Variants in PTPRJ observed in about 807,000 individuals in gnomAD.
PTPRJ encodes receptor-type tyrosine-protein phosphatase eta.
PTPRJ carries 129 observed loss-of-function variants against 141.3 expected under a neutral mutation model. The ratio of observed to expected loss-of-function variants is 0.91; its 90% CI spans 0.79 to 1.06. The LOEUF (loss-of-function observed/expected upper bound fraction) is 1.06, where lower values mean the gene tolerates loss of function less well. PTPRJ is among the 50% of genes least tolerant of loss of function. The pLI, the probability that PTPRJ is intolerant of heterozygous loss-of-function variation, is 0.00. For missense variants in PTPRJ, 1,601 were observed against 1,679.7 expected (o/e 0.95, Z 0.82); for synonymous variants, 610 against 640.5 (o/e 0.95, Z 0.72).
intron 23 of PTPRJ, among the ~76,000 whole-genome samples, chr11:48,164,117 T>C (rs1857853764): frequency 6.6e-6 from 1 of 152,174 alleles, no homozygotes; most frequent in African/African-American, 2.4e-5. Context: ...GCAACTTGAA[T>C]GGAACTGAGA....
At position 48,168,566 on chromosome 11, in the gene PTPRJ, A is replaced by G. The variant is rs1857978434; in HGVS notation, c.*1204A>G. 8.0e-6 allele frequency: 1 copy of G among 125,650 alleles called. No individual in the cohort carries two copies. Among genetic ancestry groups the G allele is most frequent in the African/African-American group, 3.0e-5 (1 of 33,500 alleles). 7.8% of individuals were successfully genotyped at this position (125,650 alleles called of 1,614,324 possible). Reference sequence around the variant, plus strand: ...TATATATATATATATATATATATATATATATATATATATATACACTAAGCT... The same window carrying G: ...TATATATATATATATATATATATATGTATATATATATATATACACTAAGCT... On this transcript the variant is annotated 3_prime_UTR_variant, in exon 25 of 25. Coordinates refer to ENST00000418331, the MANE Select transcript of PTPRJ (RefSeq NM_002843.4).
rs116046970 is a variant in PTPRJ, at chr11:47,984,229, G to A, written c.96+3221G>A. On this transcript the variant is annotated intron_variant, in intron 1 of 24. Coordinates refer to ENST00000418331, the MANE Select transcript of PTPRJ (RefSeq NM_002843.4). The stretch of plus-strand genomic sequence containing the variant: ...CCTGGCTTCCAAATGAGCAATTTTG[G>A]TCAGCAAAGGGGTTATTTAGCTCCT... 9.0e-3 allele frequency among the ~76,000 whole-genome samples: 1,364 copies of A among 152,244 alleles called. 23 individuals carry two copies. Among genetic ancestry groups the A allele is most frequent in the African/African-American group, 0.032 (1,316 of 41,518 alleles).
chr11:48,054,543 C>T (rs978221715), intron 1 of PTPRJ, among the ~76,000 whole-genome samples: 1 of 152,118 alleles, frequency 6.6e-6, no homozygotes, highest in African/African-American at 2.4e-5. Context: ...GACTTGCCCA[C>T]CTAGTTAGAA....
intron 1 of PTPRJ, among the ~76,000 whole-genome samples, chr11:48,060,238 C>T (rs536580060): frequency 2.0e-5 from 3 of 152,094 alleles, no homozygotes; most frequent in Non-Finnish European, 2.9e-5. Flanking sequence ...GGTAGATTGA[C>T]GAAATAATAT....
In PTPRJ at chr11:48,127,923, A is replaced by C. The variant is rs772351295; in HGVS notation, c.1237A>C (p.Asn413His). The part of the protein sequence containing the change: ...VAGETDSSNL[N>H]VSEPRAVIPG... ...GGGGGAGACAGATTCTTCCAATCTC[A>C]ACGTCAGTGAGCCTCGCGCTGTCAT... The change falls in exon 7 of 25, where the codon AAC becomes CAC. Residue 413 changes from asparagine to histidine, a missense_variant. Physicochemically the swap from Asn to His is moderately conservative, Grantham distance 68. Transcript: ENST00000418331. The C allele has an allele frequency of 7.6e-5, 122 of 1,614,020 alleles. No homozygotes were observed. The highest frequency in any genetic ancestry group is 1.0e-4 in the Non-Finnish European group (118 of 1,180,020).
Position 48,163,555 on chromosome 11 carries a change from G to A in PTPRJ, c.3656G>A (p.Arg1219Gln), listed in dbSNP as rs200141433. 3.7e-6 allele frequency: 6 copies of A among 1,613,800 alleles called. No homozygotes were observed. The highest frequency in any genetic ancestry group is 1.7e-5 in the Admixed American group (1 of 60,000). Residue 1219 changes from arginine (R) to glutamine (Q), a missense_variant, in exon 23 of 25, where the codon CGG becomes CAG. By Grantham distance (43) the Arg-to-Gln change is conservative. Coordinates refer to ENST00000418331, the MANE Select transcript of PTPRJ (RefSeq NM_002843.4). ...PDTTDLLINFRYLVRDYMKQS... is the reference protein window; with the variant it reads ...PDTTDLLINFQYLVRDYMKQS... ...ACCACTGACCTGCTCATCAACTTCC[G>A]GTACCTCGTTCGTGACTACATGAAG...
chr11:47,980,824 G>T lies in PTPRJ; in HGVS notation c.-89G>T. On this transcript the variant is annotated 5_prime_UTR_variant, in exon 1 of 25. Coordinates refer to ENST00000418331, the MANE Select transcript of PTPRJ (RefSeq NM_002843.4). The stretch of plus-strand genomic sequence containing the variant: ...TGGCGGAGGAGGAGGCGAAGGAGAC[G>T]GCAGGAGGCGGCGACGACGGTGCCC... The T allele has an allele frequency of 9.5e-7, 1 of 1,053,168 alleles. No individual in the cohort carries two copies. The highest frequency in any genetic ancestry group is 1.1e-6 in the Non-Finnish European group (1 of 876,254). The allele number at this position is 1,053,168 out of a possible 1,614,324, so 65.2% of individuals were successfully genotyped here.
intron 1 of PTPRJ, among the ~76,000 whole-genome samples, chr11:48,040,686 C>A (rs911052068): frequency 1.3e-5 from 2 of 150,142 alleles, no homozygotes; most frequent in African/African-American, 5.0e-5. Flanking sequence ...ACTGCAACCT[C>A]CGCCTCCTGG....
intron 9 of PTPRJ, 109 bp downstream of exon 9, chr11:48,136,405 A>C: frequency 1.5e-6 from 2 of 1,345,554 alleles, no homozygotes; most frequent in Non-Finnish European, 2.0e-6. Flanking sequence ...GTTGACTCTG[A>C]AACTGCTGAA....
At chr11:48,116,230 A>G (rs984835653) in intron 3 of PTPRJ, among the ~76,000 whole-genome samples, 2 of 152,202 alleles carry the variant, frequency 1.3e-5, no homozygotes, top group Non-Finnish European at 2.9e-5. Context: ...ATGGAAAAAG[A>G]TACTCCATGC....
rs774696009 is a variant in PTPRJ, at chr11:48,150,079, A to G, written c.3051-17A>G. On this transcript the variant is annotated splice_polypyrimidine_tract_variant and intron_variant, in intron 17 of 24. Transcript: ENST00000418331. ...TTCACTGAATGTAAAAAATCCTGAT[A>G]AGTTTTGTTTTCTTAGATCTAAGTT... 1.9e-6 allele frequency: 3 copies of G among 1,602,314 alleles called. No homozygotes were observed. The highest frequency in any genetic ancestry group is 1.1e-5 in the South Asian group (1 of 90,184).
intron 1 of PTPRJ, among the ~76,000 whole-genome samples, chr11:48,108,518 A>G (rs1052991829): frequency 2.0e-5 from 3 of 152,220 alleles, no homozygotes; most frequent in Admixed American, 6.5e-5. Flanking sequence ...TGTCTGTTAC[A>G]TAGTAGGTGC....
chr11:48,063,936 G>GTGTGTGTGTGTGTGTT (rs1855007432), intron 1 of PTPRJ, among the ~76,000 whole-genome samples: 1 of 151,654 alleles, frequency 6.6e-6, no homozygotes, highest in South Asian at 2.1e-4. Context: ...GTGTGTGTGT[G>GTGTGTGTGTGTGTGTT]TGTGTGTGTT....
intron 1 of PTPRJ, among the ~76,000 whole-genome samples, chr11:47,988,321 T>C (rs1854103706): frequency 1.3e-5 from 2 of 151,826 alleles, no homozygotes; most frequent in South Asian, 2.1e-4. Flanking sequence ...TTTCAGAAGG[T>C]TTTTTTAAAA....
intron 15 of PTPRJ, among the ~76,000 whole-genome samples, chr11:48,147,998 C>A (rs1405262934): frequency 6.6e-6 from 1 of 152,090 alleles, no homozygotes; most frequent in Non-Finnish European, 1.5e-5. Flanking sequence ...GGCACCGCCA[C>A]CACACCCAGC....
At chr11:48,071,461 C>T (rs554185868) in intron 1 of PTPRJ, among the ~76,000 whole-genome samples, 5 of 149,322 alleles carry the variant, frequency 3.3e-5, no homozygotes, top group Non-Finnish European at 7.4e-5. Context: ...GGACTACAGG[C>T]TCCTGCCACC....
At chr11:48,055,476 C>T (rs1854728892) in intron 1 of PTPRJ, among the ~76,000 whole-genome samples, 1 of 152,244 alleles carries the variant, frequency 6.6e-6, no homozygotes, top group South Asian at 2.1e-4. Context: ...TCCTCACCTC[C>T]ACCAGTGTGA....
intron 8 of PTPRJ, among the ~76,000 whole-genome samples, 161 bp from the exon 9 acceptor site, chr11:48,135,878 C>G (rs1857089128): frequency 6.6e-6 from 1 of 152,084 alleles, no homozygotes; most frequent in East Asian, 1.9e-4. Context: ...CTTGAGAGCA[C>G]TGAGTGTGTG....
chr11:47,993,069 A>G (rs1011096961), intron 1 of PTPRJ, among the ~76,000 whole-genome samples: 1 of 152,142 alleles, frequency 6.6e-6, no homozygotes, highest in African/African-American at 2.4e-5. Flanking sequence ...GTGTAGCTGG[A>G]AACCATTCCT....
Sources: gnomAD v4.1 joint callset for allele counts (sites outside exome capture counted in the v4.1 genomes callset) on GRCh38, gnomAD v4.1.1 for gene constraint, MANE v1.5 for transcripts, NCBI Gene and HGNC (gene_info 2026-07-23, HGNC 2026-07-21) for gene names.